Variants in CD8B2 observed in about 807,000 individuals in gnomAD.
CD8B2 encodes the protein CD8B family member 2.
Under a neutral mutation model 23.7 loss-of-function variants are expected in CD8B2, and 11 were observed. The observed-to-expected ratio is 0.46, with a 90% CI of 0.29 to 0.77. The LOEUF (loss-of-function observed/expected upper bound fraction) is 0.77. CD8B2 is among the 30% of genes least tolerant of loss of function. The pLI is 0.09. For missense variants in CD8B2, 197 were observed against 270.5 expected, an observed-to-expected ratio of 0.73 and a Z score of 1.91; for synonymous variants, 90 against 109.3, an observed-to-expected ratio of 0.82 and a Z score of 1.10.
downstream of CD8B2, among the ~76,000 whole-genome samples, chr2:106,515,123 C>T (rs932364408): frequency 6.6e-6 from 1 of 152,216 alleles, no homozygotes; most frequent in African/African-American, 2.4e-5. Context: ...ACTTTGCATC[C>T]TTCAATCCAA....
intron 3 of CD8B2, among the ~76,000 whole-genome samples, chr2:106,500,596 G>T (rs1418579429): frequency 6.6e-6 from 1 of 151,870 alleles, no homozygotes; most frequent in African/African-American, 2.4e-5. Context: ...TTCCTCACAA[G>T]ATGGGAGTTT....
chr2:106,542,686 T>TATG (rs1454460443), intron 5 of CD8B2, among the ~76,000 whole-genome samples: 1 of 147,964 alleles, frequency 6.8e-6, no homozygotes, highest in African/African-American at 2.5e-5. Flanking sequence ...ATATATTATA[T>TATG]ATGAAATATA....
intron 1 of CD8B2, 80 bp from the exon 2 acceptor site, chr2:106,490,794 C>G: frequency 6.5e-7 from 1 of 1,530,426 alleles, no homozygotes; most frequent in Non-Finnish European, 8.8e-7. Context: ...TTTCCTTTGA[C>G]ACTTGACTCA....
At chr2:106,511,889 G>A (rs1333454310), downstream of CD8B2, among the ~76,000 whole-genome samples, 3 of 152,152 alleles carry the variant, frequency 2.0e-5, no homozygotes, top group East Asian at 1.9e-4. Flanking sequence ...AAATATGCAC[G>A]ACACGTGTGA....
intron 1 of CD8B2, among the ~76,000 whole-genome samples, chr2:106,489,051 G>A (rs1679139216): frequency 6.9e-6 from 1 of 144,748 alleles, no homozygotes; most frequent in Non-Finnish European, 1.5e-5. Context: ...CGCCCAGGCT[G>A]GAGTGCAGTG....
chr2:106,531,791 C>T (rs570362865), intron 5 of CD8B2, among the ~76,000 whole-genome samples: 1 of 152,190 alleles, frequency 6.6e-6, no homozygotes, highest in Non-Finnish European at 1.5e-5. Context: ...CTTCCCCAAC[C>T]TTTTCCTCAA....
chr2:106,530,159 A>G (rs1679971128), intron 5 of CD8B2, among the ~76,000 whole-genome samples: 1 of 152,202 alleles, frequency 6.6e-6, no homozygotes, highest in South Asian at 2.1e-4. Flanking sequence ...TAAAGTGCAC[A>G]TTTCAGTATT....
At chr2:106,502,166 C>A (rs1028265905) in intron 3 of CD8B2, among the ~76,000 whole-genome samples, 8 of 151,656 alleles carry the variant, frequency 5.3e-5, no homozygotes, top group African/African-American at 1.9e-4. Context: ...CATGGTGGCA[C>A]ATGCCTGTAA....
At chr2:106,528,801 C>T (rs973690552) in intron 5 of CD8B2, among the ~76,000 whole-genome samples, 1 of 152,204 alleles carries the variant, frequency 6.6e-6, no homozygotes, top group Non-Finnish European at 1.5e-5. Context: ...TGGAAATAGA[C>T]TTTCCAATTT....
chr2:106,541,996 G>A (rs548027123), intron 5 of CD8B2, among the ~76,000 whole-genome samples: 15 of 152,258 alleles, frequency 9.9e-5, no homozygotes, highest in African/African-American at 3.1e-4. Flanking sequence ...GTTCCCCATG[G>A]CTCAGCCTTC....
intron 5 of CD8B2, among the ~76,000 whole-genome samples, chr2:106,530,480 G>A (rs1427407688): frequency 2.0e-5 from 3 of 152,194 alleles, no homozygotes; most frequent in East Asian, 3.9e-4. Context: ...CCGGGTTCAC[G>A]CCATTCTCCC....
Position 106,507,083 on chromosome 2 carries a change from C to T in CD8B2, c.*143C>T, listed in dbSNP as rs1288400931. On this transcript the variant is annotated 3_prime_UTR_variant, in exon 6 of 6. Coordinates refer to ENST00000643224, the MANE Select transcript of CD8B2 (RefSeq NM_001349727.2). The stretch of plus-strand genomic sequence containing the variant: ...CTGCCTGCTTTTCACTGCTGCAAGG[C>T]CTTTCTGTGTGTGACGTGCATGGGA... The T allele has an allele frequency of 1.3e-5, 19 of 1,513,108 alleles. No individual in the cohort carries two copies. The highest frequency in any genetic ancestry group is 1.7e-5 in the Non-Finnish European group (19 of 1,131,662). The allele number at this position is 1,513,108 out of a possible 1,614,324, so 93.7% of individuals were successfully genotyped here.
At chr2:106,517,856 G>C (rs1679754940) in intron 5 of CD8B2, among the ~76,000 whole-genome samples, 1 of 151,894 alleles carries the variant, frequency 6.6e-6, no homozygotes, top group African/African-American at 2.4e-5. Context: ...GGGACTACAG[G>C]CGCCCGCCAC....
chr2:106,519,863 C>A (rs1369266031), intron 5 of CD8B2, among the ~76,000 whole-genome samples: 1 of 152,244 alleles, frequency 6.6e-6, no homozygotes, highest in Non-Finnish European at 1.5e-5. Flanking sequence ...AAAGCCCTCC[C>A]AGGCCACATG....
At chr2:106,504,433 T>C in intron 5 of CD8B2, 108 bp downstream of exon 5, 2 of 1,541,812 alleles carry the variant, frequency 1.3e-6, no homozygotes, top group Non-Finnish European at 1.8e-6. Context: ...CCAAAGATCA[T>C]AGACTCGGCC....
intron 2 of CD8B2, among the ~76,000 whole-genome samples, chr2:106,495,925 G>A (rs1255194804): frequency 6.6e-6 from 1 of 151,942 alleles, no homozygotes; most frequent in African/African-American, 2.4e-5. Flanking sequence ...CAGCCTCCTG[G>A]GTAGCTGGGA....
At chr2:106,490,207 C>T (rs1001405103) in intron 1 of CD8B2, among the ~76,000 whole-genome samples, 6 of 152,098 alleles carry the variant, frequency 3.9e-5, no homozygotes, top group African/African-American at 1.4e-4. Flanking sequence ...TACCGAAGGG[C>T]TGTACATCCA....
At chr2:106,528,266 G>A (rs1394573631) in intron 5 of CD8B2, among the ~76,000 whole-genome samples, 4 of 152,162 alleles carry the variant, frequency 2.6e-5, no homozygotes, top group Non-Finnish European at 4.4e-5. Context: ...GTAGTTTAGA[G>A]TTATTGTGAT....
At chr2:106,504,219 C>T (rs1227508478) in intron 4 of CD8B2, 70 bp from the exon 5 acceptor site, 1 of 1,549,948 alleles carries the variant, frequency 6.5e-7, no homozygotes, top group Non-Finnish European at 8.7e-7. Flanking sequence ...GACAATCCTC[C>T]TTGGCCTCTG....
Sources: allele counts gnomAD v4.1 joint callset (sites outside exome capture counted in the v4.1 genomes callset), GRCh38; gene constraint gnomAD v4.1.1; transcripts MANE v1.5; gene names NCBI Gene and HGNC (gene_info 2026-07-23, HGNC 2026-07-21).